Variants in TSPAN9 observed in about 807,000 individuals in gnomAD.
The protein encoded by TSPAN9 is tetraspanin-9.
Under a neutral mutation model 31.0 loss-of-function variants are expected in TSPAN9, and 16 were observed. That is an observed-to-expected ratio of 0.52 (90% CI 0.35 to 0.78). The LOEUF (loss-of-function observed/expected upper bound fraction) is 0.78. Ranked by LOEUF, TSPAN9 falls within the 30% of genes least tolerant of loss-of-function variation. The probability of loss-of-function intolerance (pLI) is 0.01; values close to 1 mark genes in which losing one functional copy is unlikely to be tolerated. For synonymous variants in TSPAN9, 145 were observed against 121.6 expected (o/e 1.19, Z -1.27); for missense variants, 272 against 312.5 (o/e 0.87, Z 0.98).
chr12:3,276,233 C>T lies in TSPAN9; in HGVS notation c.64-2188C>T, dbSNP rs866899649. ...GTTGCTCTCCTGGCCTCCCTCGGGC[C>T]CTCCCGCGGTCGCTTCTCCAAACAG... On this transcript the variant is annotated intron_variant, in intron 3 of 8. Transcript: ENST00000011898. 7.9e-5 allele frequency among the ~76,000 whole-genome samples: 12 copies of T among 152,334 alleles called. 1 individual carries two copies. In the Middle Eastern group the frequency reaches 0.027, roughly 345 times the overall value.
chr12:3,204,143 A>T (rs2098373574), intron 3 of TSPAN9, among the ~76,000 whole-genome samples: 1 of 152,168 alleles, frequency 6.6e-6, no homozygotes, highest in South Asian at 2.1e-4. Context: ...CTCAGATCCA[A>T]AAAGGAGGCT....
chr12:3,109,153 G>C (rs539788879), intron 2 of TSPAN9, among the ~76,000 whole-genome samples: 2 of 151,742 alleles, frequency 1.3e-5, no homozygotes, highest in African/African-American at 4.8e-5. Flanking sequence ...AGCCAGGATG[G>C]TCTCGATCTC....
intron 3 of TSPAN9, among the ~76,000 whole-genome samples, chr12:3,218,638 A>G (rs2098382624): frequency 6.6e-6 from 1 of 152,122 alleles, no homozygotes. Context: ...GGAGAGGAAA[A>G]ACGCAAAGGG....
chr12:3,121,956 G>C (rs1194742641), intron 2 of TSPAN9, among the ~76,000 whole-genome samples: 1 of 152,146 alleles, frequency 6.6e-6, no homozygotes, highest in Non-Finnish European at 1.5e-5. Flanking sequence ...CAGTGTTCCA[G>C]CTTGAGTCTG....
chr12:3,201,058 C>T (rs574286826), intron 2 of TSPAN9, 119 bp from the exon 3 acceptor site: 405 of 929,724 alleles, frequency 4.4e-4, no homozygotes, highest in Non-Finnish European at 6.3e-4. Flanking sequence ...TCTACGGCAC[C>T]GCGGGCTCCC....
chr12:3,129,806 G>A (rs905905427), intron 2 of TSPAN9, among the ~76,000 whole-genome samples: 3 of 152,190 alleles, frequency 2.0e-5, no homozygotes, highest in Non-Finnish European at 4.4e-5. Flanking sequence ...AGGGTAGGAT[G>A]AACGGTTCCT....
At position 3,214,645 on chromosome 12, in the gene TSPAN9, G is replaced by A. The variant is rs1489651727; in HGVS notation, c.63+13389G>A. 2.8e-4 allele frequency among the ~76,000 whole-genome samples: 43 copies of A among 150,956 alleles called. 1 individual carries two copies. The highest frequency in any genetic ancestry group is 2.8e-3 in the Admixed American group (43 of 15,232). ...GGCAGGAGATGGGGCCACAGCCACA[G>A]CAGTCAGTTGATTTGAACACGCCCT... On this transcript the variant is annotated intron_variant, in intron 3 of 8. Coordinates refer to ENST00000011898, the MANE Select transcript of TSPAN9 (RefSeq NM_006675.5).
At chr12:3,244,237 A>G (rs1301093697) in intron 3 of TSPAN9, among the ~76,000 whole-genome samples, 1 of 152,156 alleles carries the variant, frequency 6.6e-6, no homozygotes, top group Non-Finnish European at 1.5e-5. Context: ...AGAGACTGCC[A>G]GCCACATGGG....
At chr12:3,094,345 C>G (rs1292052068) in intron 2 of TSPAN9, among the ~76,000 whole-genome samples, 1 of 152,132 alleles carries the variant, frequency 6.6e-6, no homozygotes, top group Non-Finnish European at 1.5e-5. Flanking sequence ...ATTCCCAAAC[C>G]TTTTCTTTCT....
At chr12:3,089,541 C>CA (rs1565571381) in intron 2 of TSPAN9, among the ~76,000 whole-genome samples, 2 of 152,022 alleles carry the variant, frequency 1.3e-5, no homozygotes, top group Admixed American at 1.3e-4. Flanking sequence ...GTGATCCGCC[C>CA]TCCTTGGCCT....
At chr12:3,102,865 T>C (rs74057517) in intron 2 of TSPAN9, among the ~76,000 whole-genome samples, 5,870 of 152,198 alleles carry the variant, frequency 0.039, 393 homozygotes, top group African/African-American at 0.13. Flanking sequence ...ACTGAATGAG[T>C]GAGCCCCAGA....
intron 2 of TSPAN9, among the ~76,000 whole-genome samples, chr12:3,134,317 T>C (rs772044500): frequency 3.9e-5 from 6 of 152,184 alleles, no homozygotes; most frequent in Admixed American, 6.5e-5. Flanking sequence ...AGTTACACAA[T>C]TAAAGGTCAC....
intron 2 of TSPAN9, among the ~76,000 whole-genome samples, chr12:3,124,211 G>A (rs1021634723): frequency 3.3e-5 from 5 of 152,166 alleles, no homozygotes; most frequent in African/African-American, 1.2e-4. Flanking sequence ...TCCCATTTAT[G>A]TCTAGAGTTG....
At chr12:3,163,400 T>G (rs1303529436) in intron 2 of TSPAN9, among the ~76,000 whole-genome samples, 2 of 152,242 alleles carry the variant, frequency 1.3e-5, no homozygotes, top group Non-Finnish European at 2.9e-5. Flanking sequence ...GTGTGTCTGT[T>G]TTAACCCCAG....
Position 3,283,279 on chromosome 12 carries a change from G to A in TSPAN9, c.*163G>A, listed in dbSNP as rs1862936835. The A allele has an allele frequency of 2.2e-5, 15 of 691,272 alleles. No individual in the cohort carries two copies. Among genetic ancestry groups the A allele is most frequent in the African/African-American group, 7.4e-5 (4 of 54,364 alleles). The allele number at this position is 691,272 out of a possible 1,614,324, so 42.8% of individuals were successfully genotyped here. On this transcript the variant is annotated 3_prime_UTR_variant, in exon 9 of 9. Coordinates refer to ENST00000011898, the MANE Select transcript of TSPAN9 (RefSeq NM_006675.5). ...GCCTCAGCCTCGGACTTCTCAGTGG[G>A]TGGAGTGCCAGGGAGGAGGAGGCAC...
intron 2 of TSPAN9, among the ~76,000 whole-genome samples, chr12:3,100,685 C>T (rs1291207425): frequency 6.6e-6 from 1 of 152,216 alleles, no homozygotes; most frequent in Non-Finnish European, 1.5e-5. Flanking sequence ...GGCATCACCT[C>T]ATTTCCTGGT....
chr12:3,096,313 G>A (rs533492348), intron 2 of TSPAN9, among the ~76,000 whole-genome samples: 19 of 152,288 alleles, frequency 1.2e-4, no homozygotes, highest in African/African-American at 4.6e-4. Flanking sequence ...CACGACTCCA[G>A]GGTCTGCACT....
rs571507809 is a variant in TSPAN9 at position 3,279,000 on chromosome 12, C to T, written c.264C>T (p.Ile88=). 1.3e-5 allele frequency: 21 copies of T among 1,614,130 alleles called. No homozygotes were observed. In the Admixed American group the frequency reaches 1.5e-4, roughly 12 times the overall value. ...ENKCLLLSFF[I]VLLVILLAEL... ...GGCCCTTTCCTTTCCAGTTTTTCAT[C>T]GTCCTGTTGGTCATCCTCCTAGCAG... Residue 88 remains isoleucine (I), a synonymous_variant, in exon 5 of 9, where the codon ATC becomes ATT. Transcript: ENST00000011898.
At chr12:3,215,783 C>T (rs895819387) in intron 3 of TSPAN9, among the ~76,000 whole-genome samples, 1 of 152,180 alleles carries the variant, frequency 6.6e-6, no homozygotes, top group Admixed American at 6.5e-5. Context: ...GTGGTGGGCC[C>T]GGCACAGCCT....
Sources: gnomAD v4.1 joint callset for allele counts (sites outside exome capture counted in the v4.1 genomes callset) on GRCh38, gnomAD v4.1.1 for gene constraint, MANE v1.5 for transcripts, NCBI Gene and HGNC (gene_info 2026-07-23, HGNC 2026-07-21) for gene names.